UBE2E2: variants seen among roughly 807,000 people sequenced by gnomAD.
UBE2E2 encodes ubiquitin conjugating enzyme E2 E2.
A neutral mutation model predicts 24.7 loss-of-function variants in UBE2E2; 6 were observed. That is an observed-to-expected ratio of 0.24 (90% CI 0.13 to 0.48). The LOEUF (loss-of-function observed/expected upper bound fraction) is 0.48, where lower values mean the gene tolerates loss of function less well. Ranked by LOEUF, UBE2E2 falls within the 20% of genes least tolerant of loss-of-function variation. The pLI is 0.99. For synonymous variants in UBE2E2, 104 were observed against 83.6 expected (o/e 1.24, Z -1.33); for missense variants, 169 against 245.0 (o/e 0.69, Z 2.07).
intron 2 of UBE2E2, among the ~76,000 whole-genome samples, chr3:23,216,848 G>C (rs577660797): frequency 1.3e-5 from 2 of 152,264 alleles, no homozygotes; most frequent in East Asian, 3.9e-4. Flanking sequence ...GTGTTGGAAT[G>C]AGATCCCGAA....
chr3:23,499,118 G>C (rs925898726), intron 3 of UBE2E2, among the ~76,000 whole-genome samples: 2 of 152,108 alleles, frequency 1.3e-5, no homozygotes, highest in Non-Finnish European at 2.9e-5. Context: ...ATGATGTATG[G>C]GTCAGGAAGT....
At chr3:23,294,863 A>G (rs1698867534) in intron 3 of UBE2E2, among the ~76,000 whole-genome samples, 1 of 151,696 alleles carries the variant, frequency 6.6e-6, no homozygotes, top group Non-Finnish European at 1.5e-5. Context: ...GTTATGACCA[A>G]AAATATAATG....
At chr3:23,382,511 C>T (rs1463528168) in intron 3 of UBE2E2, among the ~76,000 whole-genome samples, 2 of 152,158 alleles carry the variant, frequency 1.3e-5, no homozygotes, top group Non-Finnish European at 2.9e-5. Context: ...ACTGGTTTTA[C>T]TATATGAGCG....
chr3:23,585,577 G>A (rs1457030946), intron 5 of UBE2E2, among the ~76,000 whole-genome samples: 1 of 152,038 alleles, frequency 6.6e-6, no homozygotes, highest in Non-Finnish European at 1.5e-5. Context: ...ACTCTGTTCT[G>A]CATAAGTCTG....
intron 5 of UBE2E2, among the ~76,000 whole-genome samples, chr3:23,547,262 T>A (rs754732842): frequency 2.0e-5 from 3 of 152,176 alleles, no homozygotes; most frequent in Non-Finnish European, 2.9e-5. Context: ...GTTTAGTAGG[T>A]TCTTGGTCTC....
At chr3:23,455,516 A>G (rs1404453905) in intron 3 of UBE2E2, among the ~76,000 whole-genome samples, 1 of 152,024 alleles carries the variant, frequency 6.6e-6, no homozygotes, top group Non-Finnish European at 1.5e-5. Flanking sequence ...CTAGGAGTTC[A>G]AGACCAGCCT....
intron 3 of UBE2E2, among the ~76,000 whole-genome samples, chr3:23,400,082 C>T (rs76482036): frequency 0.016 from 2,377 of 152,042 alleles, 25 homozygotes; most frequent in Middle Eastern, 0.041. Flanking sequence ...GAAATATTAC[C>T]GTCATATACA....
At chr3:23,338,236 G>A (rs1304999126) in intron 3 of UBE2E2, among the ~76,000 whole-genome samples, 1 of 152,084 alleles carries the variant, frequency 6.6e-6, no homozygotes, top group Non-Finnish European at 1.5e-5. Flanking sequence ...CAAAATTTAG[G>A]TGAGTTAGCA....
intron 3 of UBE2E2, among the ~76,000 whole-genome samples, chr3:23,346,376 A>G (rs1336456906): frequency 2.0e-5 from 3 of 152,018 alleles, no homozygotes; most frequent in Non-Finnish European, 2.9e-5. Flanking sequence ...TTCAGATACT[A>G]TCATCACATC....
At chr3:23,586,747 A>C (rs1219529500) in intron 5 of UBE2E2, among the ~76,000 whole-genome samples, 3 of 152,226 alleles carry the variant, frequency 2.0e-5, no homozygotes, top group Non-Finnish European at 4.4e-5. Flanking sequence ...AAAGTTGGAG[A>C]GTACCCAAAC....
intron 5 of UBE2E2, among the ~76,000 whole-genome samples, chr3:23,586,545 C>G (rs894981295): frequency 1.3e-5 from 2 of 152,082 alleles, no homozygotes; most frequent in Non-Finnish European, 2.9e-5. Flanking sequence ...CTGTCCTCCA[C>G]CCTCAGACTC....
intron 4 of UBE2E2, among the ~76,000 whole-genome samples, chr3:23,532,057 A>G (rs9822244): frequency 1.7e-4 from 26 of 148,798 alleles, no homozygotes; most frequent in African/African-American, 6.2e-4. Context: ...GCGAAACTCT[A>G]TCTCAAAAAA....
chr3:23,575,017 A>G (rs768785353), intron 5 of UBE2E2, among the ~76,000 whole-genome samples: 7 of 152,202 alleles, frequency 4.6e-5, no homozygotes, highest in Non-Finnish European at 1.0e-4. Context: ...TCTTCAGATT[A>G]GGGCTACTCA....
At chr3:23,432,109 T>TAGGGA (rs1698075131) in intron 3 of UBE2E2, among the ~76,000 whole-genome samples, 1 of 152,228 alleles carries the variant, frequency 6.6e-6, no homozygotes, top group Admixed American at 6.5e-5. Flanking sequence ...AGTTTTTCAT[T>TAGGGA]AATTTCTCTT....
intron 4 of UBE2E2, among the ~76,000 whole-genome samples, 181 bp downstream of exon 4, chr3:23,499,921 G>A (rs1257698899): frequency 6.6e-6 from 1 of 152,082 alleles, no homozygotes; most frequent in African/African-American, 2.4e-5. Flanking sequence ...CTCCACCCCA[G>A]CTTTTTACTG....
intron 3 of UBE2E2, among the ~76,000 whole-genome samples, chr3:23,343,370 G>T (rs1695456307): frequency 6.6e-6 from 1 of 152,066 alleles, no homozygotes; most frequent in Non-Finnish European, 1.5e-5. Context: ...GAGGTGAGGA[G>T]TTCAACACCA....
At chr3:23,271,676 T>G (rs1698247021) in intron 3 of UBE2E2, among the ~76,000 whole-genome samples, 1 of 152,136 alleles carries the variant, frequency 6.6e-6, no homozygotes, top group Non-Finnish European at 1.5e-5. Flanking sequence ...ATCCTCTAGC[T>G]AGATGTAAAA....
At chr3:23,360,338 C>T (rs1005231235) in intron 3 of UBE2E2, among the ~76,000 whole-genome samples, 1 of 152,126 alleles carries the variant, frequency 6.6e-6, no homozygotes, top group Non-Finnish European at 1.5e-5. Context: ...CTATTACCTT[C>T]CTTCCTTTGT....
chr3:23,409,980 T>G (rs1697461878), intron 3 of UBE2E2, among the ~76,000 whole-genome samples: 1 of 152,204 alleles, frequency 6.6e-6, no homozygotes. Flanking sequence ...TGTGATTTAC[T>G]GTGACCTCAT....
Sources: allele counts gnomAD v4.1 joint callset (sites outside exome capture counted in the v4.1 genomes callset), GRCh38; gene constraint gnomAD v4.1.1; transcripts MANE v1.5; gene names NCBI Gene and HGNC (gene_info 2026-07-23, HGNC 2026-07-21).